Variants in CLHC1 observed in about 807,000 individuals in gnomAD.
CLHC1 encodes clathrin heavy chain linker domain containing 1, also known as clathrin heavy chain linker domain-containing protein 1.
Under a neutral mutation model 69.5 loss-of-function variants are expected in CLHC1, and 72 were observed. That is an observed-to-expected ratio of 1.04 (90% CI 0.86 to 1.26). The LOEUF is 1.26. Ranked by LOEUF, CLHC1 falls within the 50% of genes most tolerant of loss-of-function variation. The pLI is 0.00. For synonymous variants in CLHC1, 223 were observed against 224.3 expected (o/e 0.99, Z 0.05); for missense variants, 790 against 679.3 (o/e 1.16, Z -1.81).
chr2:55,215,588 CA>C (rs1439963194), intron 4 of CLHC1, among the ~76,000 whole-genome samples: 1 of 152,184 alleles, frequency 6.6e-6, no homozygotes, highest in Admixed American at 6.5e-5. Flanking sequence ...CTTGCGGTCC[CA>C]GGGGTGGAGC....
At position 55,180,692 on chromosome 2, in the gene CLHC1, G is replaced by A. The variant is rs763280269; in HGVS notation, c.1202C>T (p.Ala401Val). The change falls in exon 11 of 13, where the codon GCT (alanine) becomes GTT (valine). Residue 401 changes from alanine (A) to valine (V), a missense_variant. Transcript: ENST00000401408. Reference protein sequence around the residue: ...TQERLTFSEEAGDVICDYGEQ... With the variant: ...TQERLTFSEEVGDVICDYGEQ... Reference sequence around the variant, plus strand: ...CCCATAATCACAAATCACATCCCCAGCCTCCTCAGAAAATGTCAGTCTAGA... The same window carrying A: ...CCCATAATCACAAATCACATCCCCAACCTCCTCAGAAAATGTCAGTCTAGA... The A allele has an allele frequency of 6.2e-7, 1 of 1,613,852 alleles. No homozygotes were observed. The highest frequency in any genetic ancestry group is 1.7e-5 in the Admixed American group (1 of 60,002).
intron 9 of CLHC1, among the ~76,000 whole-genome samples, chr2:55,204,167 C>T (rs1404345767): frequency 1.3e-5 from 2 of 151,994 alleles, no homozygotes; most frequent in African/African-American, 4.8e-5. Context: ...GCTTGTAATC[C>T]CAGCTACTAG....
chr2:55,176,599 T>G (rs1669411049), intron 12 of CLHC1, among the ~76,000 whole-genome samples: 1 of 152,180 alleles, frequency 6.6e-6, no homozygotes, highest in African/African-American at 2.4e-5. Context: ...AATATCTTAG[T>G]GATCTATCAA....
chr2:55,222,221 A>C lies in CLHC1; in HGVS notation c.177+14T>G, dbSNP rs1158180634. 1 of 1,597,424 alleles carries C rather than the reference A, an allele frequency of 6.3e-7. No individual in the cohort carries two copies. The highest frequency in any genetic ancestry group is 8.6e-7 in the Non-Finnish European group (1 of 1,166,640). On this transcript the variant is annotated intron_variant, in intron 3 of 12. Transcript: ENST00000401408. ...CCTCATGAAAACTTAATTGTCTTAA[A>C]AGCTTTATGATACCTTATCAAAAAC...
intron 9 of CLHC1, among the ~76,000 whole-genome samples, chr2:55,202,192 C>T (rs1229245136): frequency 4.8e-5 from 7 of 146,100 alleles, no homozygotes; most frequent in Non-Finnish European, 9.0e-5. Context: ...AAATAAAGGG[C>T]ATCCAAATTG....
At chr2:55,207,752 AG>A (rs1672586528) in intron 8 of CLHC1, among the ~76,000 whole-genome samples, 1 of 152,226 alleles carries the variant, frequency 6.6e-6, no homozygotes, top group South Asian at 2.1e-4. Context: ...AATTGAAGAT[AG>A]CAGGAATGAT....
intron 4 of CLHC1, among the ~76,000 whole-genome samples, chr2:55,213,443 T>C (rs772012478): frequency 3.3e-5 from 5 of 152,236 alleles, no homozygotes; most frequent in African/African-American, 4.8e-5. Context: ...CCTCCCTATC[T>C]CAAAATCTTT....
Position 55,180,530 on chromosome 2 carries a change from T to C in CLHC1, c.1364A>G (p.Gln455Arg). ...CTTACCGGTAGTAAAGTCCTTCAACTGCTGTATGTACTCCATGACCCTATG... is the reference window on the plus strand; with the variant it reads ...CTTACCGGTAGTAAAGTCCTTCAACCGCTGTATGTACTCCATGACCCTATG... ...QTHRVMEYIQQLKDFTTDDLL... is the reference protein window; with the variant it reads ...QTHRVMEYIQRLKDFTTDDLL... Residue 455 changes from glutamine (Q) to arginine (R), a missense_variant, in exon 11 of 13, where the codon CAG becomes CGG. Coordinates refer to ENST00000401408, the MANE Select transcript of CLHC1 (RefSeq NM_152385.4). 6.2e-7 allele frequency: 1 copy of C among 1,613,866 alleles called. No individual in the cohort carries two copies. The highest frequency in any genetic ancestry group is 8.5e-7 in the Non-Finnish European group (1 of 1,179,762).
Position 55,212,721 on chromosome 2 carries a change from C to T in CLHC1, c.451G>A (p.Glu151Lys). Residue 151 changes from glutamate (E) to lysine (K), a missense_variant, in exon 5 of 13, where the codon GAA (glutamate) becomes AAA (lysine). By Grantham distance (56) the Glu-to-Lys change is moderately conservative. Coordinates refer to ENST00000401408, the MANE Select transcript of CLHC1 (RefSeq NM_152385.4). Reference protein sequence around the residue: ...KQCRAEYDTKEVKYCTFSKDP... With the variant: ...KQCRAEYDTKKVKYCTFSKDP... Reference sequence around the variant, plus strand: ...TTGGAGAAAGTACAATATTTTACTTCTTTTGTGTCATACTCTGCCCTACAC... The same window carrying T: ...TTGGAGAAAGTACAATATTTTACTTTTTTTGTGTCATACTCTGCCCTACAC... 1.9e-6 allele frequency: 3 copies of T among 1,598,174 alleles called. No individual in the cohort carries two copies. The highest frequency in any genetic ancestry group is 2.6e-6 in the Non-Finnish European group (3 of 1,165,656).
chr2:55,202,716 G>A (rs1233886188), intron 9 of CLHC1, among the ~76,000 whole-genome samples: 2 of 151,820 alleles, frequency 1.3e-5, no homozygotes, highest in Non-Finnish European at 2.9e-5. Context: ...GGCCAACATG[G>A]CAAAACTCCG....
At chr2:55,178,370 T>C (rs1041660650) in intron 11 of CLHC1, among the ~76,000 whole-genome samples, 2 of 152,264 alleles carry the variant, frequency 1.3e-5, no homozygotes, top group African/African-American at 4.8e-5. Context: ...TGGAACCATA[T>C]GAAGTTTCCT....
Position 55,173,758 on chromosome 2 carries a change from C to T in CLHC1, c.*2032G>A, listed in dbSNP as rs1226423410. On this transcript the variant is annotated 3_prime_UTR_variant, in exon 13 of 13. Coordinates refer to ENST00000401408, the MANE Select transcript of CLHC1 (RefSeq NM_152385.4). ...CCCAACTCCATTTTCCATCACCAGG[C>T]ATTTTAATTTATATTCACTTGACAA... is the stretch of plus-strand genomic sequence containing the variant. Among the ~76,000 whole-genome samples the T allele has an allele frequency of 6.6e-6, 1 of 152,152 alleles. No individual in the cohort carries two copies. Among genetic ancestry groups the T allele is most frequent in the Non-Finnish European group, 1.5e-5 (1 of 68,026 alleles).
At chr2:55,208,221 T>C (rs112786447) in intron 8 of CLHC1, among the ~76,000 whole-genome samples, 29 of 152,324 alleles carry the variant, frequency 1.9e-4, no homozygotes, top group African/African-American at 5.8e-4. Flanking sequence ...TTTTTCATAT[T>C]TTGGAATATA....
intron 9 of CLHC1, among the ~76,000 whole-genome samples, chr2:55,200,285 G>C (rs1337174665): frequency 7.3e-6 from 1 of 136,794 alleles, no homozygotes; most frequent in Non-Finnish European, 1.6e-5. Flanking sequence ...CCAATGATCT[G>C]TTGCCTACAA....
At chr2:55,223,645 C>T (rs1209941668) in intron 2 of CLHC1, among the ~76,000 whole-genome samples, 1 of 151,830 alleles carries the variant, frequency 6.6e-6, no homozygotes, top group Non-Finnish European at 1.5e-5. Flanking sequence ...GGAGGGCGCG[C>T]GGAGGCTCGC....
In CLHC1 at chr2:55,193,674, G is replaced by C. The variant is rs181836459; in HGVS notation, c.1007-11930C>G. 1.5e-3 allele frequency among the ~76,000 whole-genome samples: 224 copies of C among 152,234 alleles called. 6 individuals are homozygous for C. The South Asian group carries it at 0.031, about 21-fold the overall frequency. On this transcript the variant is annotated intron_variant, in intron 9 of 12. Transcript: ENST00000401408. ...CATAAGGAACCCTTATACATTACTA[G>C]CAGGAATGGAAAACGGTGCAACCAA... is the stretch of plus-strand genomic sequence containing the variant.
At position 55,175,745 on chromosome 2, in the gene CLHC1, A is replaced by G; in HGVS notation, c.*45T>C. On this transcript the variant is annotated 3_prime_UTR_variant, in exon 13 of 13. Coordinates refer to ENST00000401408, the MANE Select transcript of CLHC1 (RefSeq NM_152385.4). ...AAAATCAGTTTTTCCCAACCAGCAT[A>G]CATAAGGTGTTGTACAAGCTCCCTC... The G allele has an allele frequency of 7.1e-7, 1 of 1,405,290 alleles. No individual in the cohort carries two copies. Among genetic ancestry groups the G allele is most frequent in the Non-Finnish European group, 9.9e-7 (1 of 1,007,482 alleles). 87.1% of individuals were successfully genotyped at this position (1,405,290 alleles called of 1,614,324 possible). A position where few individuals can be genotyped will look rare whatever the true frequency, so the allele number is the denominator to read the frequency against.
chr2:55,221,907 T>A (rs992281872), intron 3 of CLHC1, among the ~76,000 whole-genome samples: 1 of 151,970 alleles, frequency 6.6e-6, no homozygotes, highest in Non-Finnish European at 1.5e-5. Flanking sequence ...AACCCAGGAG[T>A]TTGAGGCTGC....
At chr2:55,222,136 C>A in intron 3 of CLHC1, 99 bp downstream of exon 3, 1 of 793,806 alleles carries the variant, frequency 1.3e-6, no homozygotes, top group Non-Finnish European at 2.0e-6. Flanking sequence ...GGAATGTTAT[C>A]ATTCAAACAG....
Sources: gnomAD v4.1 joint callset for allele counts (sites outside exome capture counted in the v4.1 genomes callset) on GRCh38, gnomAD v4.1.1 for gene constraint, MANE v1.5 for transcripts, NCBI Gene and HGNC (gene_info 2026-07-23, HGNC 2026-07-21) for gene names.